Variants in THSD7B observed in about 807,000 individuals in gnomAD.
THSD7B encodes the protein thrombospondin type 1 domain containing 7B.
THSD7B carries 138 observed loss-of-function variants against 213.6 expected under a neutral mutation model. The observed-to-expected ratio is 0.65, with a 90% confidence interval of 0.56 to 0.74. The LOEUF (loss-of-function observed/expected upper bound fraction) is 0.74, where lower values mean the gene tolerates loss of function less well. Among genes scored for constraint, THSD7B ranks in the 30% least tolerant of loss-of-function variants. THSD7B has a pLI of 0.00. For missense variants in THSD7B, 1,931 were observed against 1,991.5 expected, an observed-to-expected ratio of 0.97 and a Z score of 0.58; for synonymous variants, 742 against 687.0, an observed-to-expected ratio of 1.08 and a Z score of -1.25.
At chr2:136,805,949 A>C (rs2710175) in intron 1 of THSD7B, among the ~76,000 whole-genome samples, 106,187 of 152,082 alleles carry the variant, frequency 0.7, 37,451 homozygotes, top group East Asian at 0.81. Flanking sequence ...AAAACCTTTA[A>C]TGAACTCTCT....
chr2:136,915,127 C>T (rs1043045950), intron 2 of THSD7B, among the ~76,000 whole-genome samples: 7 of 152,112 alleles, frequency 4.6e-5, no homozygotes, highest in African/African-American at 1.7e-4. Context: ...GGTTTTATCT[C>T]TAGGGGAAGA....
In THSD7B at chr2:137,658,161, C is replaced by T. The variant is rs1683275217; in HGVS notation, c.4375+1001C>T. ...GCTCCTCCTTTTTCTTGTTTACTTGCTCTTGCACTATTGGTATTCTTTTTA... is the reference window on the plus strand; with the variant it reads ...GCTCCTCCTTTTTCTTGTTTACTTGTTCTTGCACTATTGGTATTCTTTTTA... On this transcript the variant is annotated intron_variant, in intron 24 of 27. Coordinates refer to ENST00000409968, the MANE Select transcript of THSD7B (RefSeq NM_001316349.2). Among the ~76,000 whole-genome samples, 4 of 152,180 alleles carry T rather than the reference C, an allele frequency of 2.6e-5. No individual in the cohort carries two copies. In the South Asian group the frequency reaches 8.3e-4, roughly 32 times the overall value.
chr2:137,629,522 T>C (rs891096752), intron 20 of THSD7B, among the ~76,000 whole-genome samples: 1 of 152,180 alleles, frequency 6.6e-6, no homozygotes, highest in Non-Finnish European at 1.5e-5. Context: ...CAAAAACCCA[T>C]GCAAATTTCA....
chr2:137,197,063 G>C (rs1680779285), intron 7 of THSD7B, among the ~76,000 whole-genome samples: 1 of 152,144 alleles, frequency 6.6e-6, no homozygotes, highest in South Asian at 2.1e-4. Context: ...AGAAACTTCG[G>C]ACCAATGCAA....
chr2:137,458,131 CTT>C (rs1358224823), intron 15 of THSD7B, among the ~76,000 whole-genome samples: 1 of 152,036 alleles, frequency 6.6e-6, no homozygotes, highest in African/African-American at 2.4e-5. Flanking sequence ...CAAATTTGCT[CTT>C]GTTTGATGAA....
intron 2 of THSD7B, among the ~76,000 whole-genome samples, chr2:136,896,980 A>G (rs1460085090): frequency 6.6e-6 from 1 of 151,390 alleles, no homozygotes; most frequent in Non-Finnish European, 1.5e-5. Flanking sequence ...GGGTCTCACT[A>G]TGTCACCCAC....
intron 10 of THSD7B, among the ~76,000 whole-genome samples, chr2:137,252,286 A>AAAAAC (rs1558973990): frequency 4.6e-5 from 7 of 151,346 alleles, no homozygotes; most frequent in Middle Eastern, 7.2e-3. Context: ...AAAAAAAAAA[A>AAAAAC]AAAACAAAGG....
At chr2:137,072,748 G>T (rs934904392) in intron 3 of THSD7B, among the ~76,000 whole-genome samples, 3 of 152,068 alleles carry the variant, frequency 2.0e-5, no homozygotes, top group Non-Finnish European at 4.4e-5. Context: ...GTTTCTCATA[G>T]ATAGCTCTTA....
intron 2 of THSD7B, among the ~76,000 whole-genome samples, chr2:137,006,454 T>C (rs555056545): frequency 6.6e-6 from 1 of 150,998 alleles, no homozygotes; most frequent in South Asian, 2.1e-4. Context: ...ATATAGGTTG[T>C]ATATGAAAAG....
intron 12 of THSD7B, among the ~76,000 whole-genome samples, chr2:137,337,638 A>G (rs1684668260): frequency 6.6e-6 from 1 of 152,052 alleles, no homozygotes; most frequent in Non-Finnish European, 1.5e-5. Context: ...AATTTTAGCA[A>G]CTATCAGTGA....
chr2:137,591,903 T>C (rs1410398308), intron 17 of THSD7B, among the ~76,000 whole-genome samples: 1 of 151,872 alleles, frequency 6.6e-6, no homozygotes, highest in Non-Finnish European at 1.5e-5. Flanking sequence ...TTTGTGTTTT[T>C]AAAATATCTT....
chr2:136,899,824 A>G (rs554739799), intron 2 of THSD7B, among the ~76,000 whole-genome samples: 5 of 152,338 alleles, frequency 3.3e-5, no homozygotes, highest in African/African-American at 1.2e-4. Context: ...CAAATGAAGT[A>G]TAAGTTCTAA....
chr2:137,627,344 C>T (rs1043842326), intron 20 of THSD7B, among the ~76,000 whole-genome samples: 1 of 152,140 alleles, frequency 6.6e-6, no homozygotes, highest in African/African-American at 2.4e-5. Context: ...TGGGCACAAA[C>T]CACATCCAAA....
At chr2:137,064,025 G>A (rs1041729312) in intron 3 of THSD7B, among the ~76,000 whole-genome samples, 13 of 151,814 alleles carry the variant, frequency 8.6e-5, no homozygotes, top group African/African-American at 2.7e-4. Context: ...TTTTGTGTCC[G>A]TAGCAGTGGG....
intron 15 of THSD7B, among the ~76,000 whole-genome samples, chr2:137,458,940 G>C (rs999451319): frequency 6.6e-6 from 1 of 150,452 alleles, no homozygotes; most frequent in Non-Finnish European, 1.5e-5. Flanking sequence ...ATGTTGCTCT[G>C]ATAGGGCCTC....
intron 2 of THSD7B, among the ~76,000 whole-genome samples, chr2:137,028,332 T>C (rs1254903062): frequency 6.6e-6 from 1 of 151,406 alleles, no homozygotes; most frequent in Non-Finnish European, 1.5e-5. Flanking sequence ...CTGTTAAAAC[T>C]GGGTGTGAAG....
intron 14 of THSD7B, among the ~76,000 whole-genome samples, chr2:137,415,673 T>G (rs894169659): frequency 9.0e-4 from 134 of 149,290 alleles, no homozygotes; most frequent in Middle Eastern, 3.4e-3. Flanking sequence ...TGTTTTTTTT[T>G]TTTTTTTTTT....
chr2:137,393,146 CTTTTTTTTTTTTAA>C (rs1313898217), intron 12 of THSD7B, among the ~76,000 whole-genome samples: 1 of 139,686 alleles, frequency 7.2e-6, no homozygotes, highest in Non-Finnish European at 1.6e-5. Flanking sequence ...TTTCTTCCAG[CTTTTTTTTTTTTAA>C]TTTTTTTTTT....
At chr2:137,387,753 A>T (rs1194327438) in intron 12 of THSD7B, among the ~76,000 whole-genome samples, 2 of 152,212 alleles carry the variant, frequency 1.3e-5, no homozygotes, top group Non-Finnish European at 2.9e-5. Context: ...CAGATGTCTG[A>T]CAGATAAATT....
Sources: allele counts gnomAD v4.1 joint callset (sites outside exome capture counted in the v4.1 genomes callset), GRCh38; gene constraint gnomAD v4.1.1; transcripts MANE v1.5; gene names NCBI Gene and HGNC (gene_info 2026-07-23, HGNC 2026-07-21).